Variants in FAF1 observed in about 807,000 individuals in gnomAD.
FAF1 encodes the protein Fas associated factor 1.
In FAF1, 25 loss-of-function variants were observed where a neutral mutation model predicts 92.5. The ratio of observed to expected loss-of-function variants is 0.27; its 90% CI spans 0.20 to 0.38. The LOEUF (loss-of-function observed/expected upper bound fraction) is 0.38, where lower values mean the gene tolerates loss of function less well. FAF1 is among the 10% of genes least tolerant of loss of function. FAF1 has a pLI of 1.00. For missense variants in FAF1, 636 were observed against 793.3 expected (o/e 0.80, Z 2.38); for synonymous variants, 234 against 273.2 (o/e 0.86, Z 1.42).
At chr1:50,454,656 C>A (rs1174606606) in intron 18 of FAF1, among the ~76,000 whole-genome samples, 1 of 152,208 alleles carries the variant, frequency 6.6e-6, no homozygotes, top group Non-Finnish European at 1.5e-5. Flanking sequence ...GACATAAGGT[C>A]AGTGTTTAAA....
intron 1 of FAF1, among the ~76,000 whole-genome samples, chr1:50,947,034 T>TA (rs757325550): frequency 4.6e-5 from 7 of 152,162 alleles, no homozygotes; most frequent in Non-Finnish European, 8.8e-5. Flanking sequence ...TATATCCCAA[T>TA]AAAAGATCAC....
rs748061344 is a variant in FAF1, at chr1:50,785,132, C to CAAAAAA, written c.367+2862_367+2867dup. Among the ~76,000 whole-genome samples, 64 of 59,072 alleles carry CAAAAAA rather than the reference C, an allele frequency of 1.1e-3. 1 individual carries two copies. The highest frequency in any genetic ancestry group is 3.2e-3 in the African/African-American group (50 of 15,682). The allele number at this position is 59,072 out of a possible 152,430, so 38.8% of individuals were successfully genotyped here. A position where few individuals can be genotyped will look rare whatever the true frequency, so the allele number is the denominator to read the frequency against. On this transcript the variant is annotated intron_variant, in intron 4 of 18. Coordinates refer to ENST00000396153, the MANE Select transcript of FAF1 (RefSeq NM_007051.3). ...TGGGTGACAGAGCAAGACCCTATCTCAAAAAAAAAAAAAAAAAAAAAAAGA... is the reference window on the plus strand; with the variant it reads ...TGGGTGACAGAGCAAGACCCTATCTCAAAAAAAAAAAAAAAAAAAAAAAAAAAAAGA...
chr1:50,502,198 C>T (rs944101347), intron 15 of FAF1, among the ~76,000 whole-genome samples: 3 of 152,048 alleles, frequency 2.0e-5, no homozygotes, highest in Middle Eastern at 3.2e-3. Flanking sequence ...TAATAAAGAC[C>T]AACTCTCAGT....
intron 7 of FAF1, among the ~76,000 whole-genome samples, chr1:50,657,506 G>A (rs1372348272): frequency 6.6e-6 from 1 of 151,732 alleles, no homozygotes; most frequent in Non-Finnish European, 1.5e-5. Flanking sequence ...AGGCAGCAAT[G>A]AGCCACGACT....
chr1:50,924,150 T>A (rs906458669), intron 1 of FAF1, among the ~76,000 whole-genome samples: 3 of 152,046 alleles, frequency 2.0e-5, no homozygotes, highest in African/African-American at 7.2e-5. Flanking sequence ...GACGACATGA[T>A]CTTACATATA....
chr1:50,848,846 G>A (rs140926493), intron 2 of FAF1, among the ~76,000 whole-genome samples: 2 of 152,228 alleles, frequency 1.3e-5, no homozygotes, highest in Non-Finnish European at 1.5e-5. Context: ...CAAGTTGGGA[G>A]AGGCTACAGA....
intron 8 of FAF1, among the ~76,000 whole-genome samples, chr1:50,607,742 G>C (rs1042363538): frequency 1.3e-5 from 2 of 152,122 alleles, no homozygotes; most frequent in Non-Finnish European, 2.9e-5. Context: ...AAAACACTTG[G>C]TATCTTTTGG....
rs79335628 is a variant in FAF1 at position 50,486,859 on chromosome 1, C to T, written c.1653+3729G>A. On this transcript the variant is annotated intron_variant, in intron 17 of 18. Coordinates refer to ENST00000396153, the MANE Select transcript of FAF1 (RefSeq NM_007051.3). Reference sequence around the variant, plus strand: ...CCTTAGCTGAAAATTTCTCTGCTTACCAAAAACTCAGTAGAAAAAGGCAGT... The same window carrying T: ...CCTTAGCTGAAAATTTCTCTGCTTATCAAAAACTCAGTAGAAAAAGGCAGT... Among the ~76,000 whole-genome samples the T allele has an allele frequency of 1.4e-4, 21 of 152,188 alleles. 1 individual carries two copies. In the East Asian group the frequency reaches 4.1e-3, roughly 29 times the overall value.
intron 18 of FAF1, among the ~76,000 whole-genome samples, chr1:50,449,790 A>G (rs1035412572): frequency 6.6e-6 from 1 of 151,876 alleles, no homozygotes; most frequent in African/African-American, 2.4e-5. Context: ...GCCTGGCCTA[A>G]CTAATCTTTT....
chr1:50,518,176 T>C (rs551338324), intron 15 of FAF1, among the ~76,000 whole-genome samples: 35 of 152,328 alleles, frequency 2.3e-4, no homozygotes, highest in African/African-American at 8.4e-4. Flanking sequence ...CCTACACTTT[T>C]ACCTTTTCAA....
chr1:50,660,445 G>T (rs1250807499), intron 7 of FAF1, among the ~76,000 whole-genome samples: 1 of 151,488 alleles, frequency 6.6e-6, no homozygotes, highest in Non-Finnish European at 1.5e-5. Context: ...TAATAAAAAA[G>T]TCACAAAGTT....
chr1:50,581,173 T>G (rs1351928555), intron 12 of FAF1, among the ~76,000 whole-genome samples: 1 of 152,240 alleles, frequency 6.6e-6, no homozygotes, highest in Non-Finnish European at 1.5e-5. Flanking sequence ...GATTGAACAG[T>G]TGAAACATAA....
intron 13 of FAF1, among the ~76,000 whole-genome samples, chr1:50,541,449 T>A (rs1447176888): frequency 6.6e-6 from 1 of 152,210 alleles, no homozygotes; most frequent in Non-Finnish European, 1.5e-5. Flanking sequence ...CCCATATAGC[T>A]TAACTCATCG....
At chr1:50,917,581 A>C (rs1465591835) in intron 1 of FAF1, among the ~76,000 whole-genome samples, 1 of 151,422 alleles carries the variant, frequency 6.6e-6, no homozygotes, top group Non-Finnish European at 1.5e-5. Context: ...GAAAGGAAAA[A>C]GGAAAGGAAA....
intron 1 of FAF1, among the ~76,000 whole-genome samples, chr1:50,926,940 A>G (rs1368263423): frequency 3.9e-5 from 6 of 152,256 alleles, no homozygotes; most frequent in Non-Finnish European, 5.9e-5. Flanking sequence ...TAAAAAGGCA[A>G]GAAATTCTGA....
At chr1:50,873,358 T>A (rs1249537777) in intron 1 of FAF1, among the ~76,000 whole-genome samples, 2 of 152,192 alleles carry the variant, frequency 1.3e-5, no homozygotes, top group Non-Finnish European at 2.9e-5. Context: ...GATGCCTTTT[T>A]CCCCTATGGC....
intron 7 of FAF1, among the ~76,000 whole-genome samples, chr1:50,695,070 A>G (rs913257890): frequency 6.6e-6 from 1 of 152,220 alleles, no homozygotes; most frequent in Non-Finnish European, 1.5e-5. Flanking sequence ...ATTCATCTGA[A>G]TAAAGCTCTA....
At chr1:50,918,119 T>C (rs1302683095) in intron 1 of FAF1, among the ~76,000 whole-genome samples, 4 of 151,824 alleles carry the variant, frequency 2.6e-5, no homozygotes, top group Non-Finnish European at 5.9e-5. Context: ...ATATAATTAT[T>C]AAAACTCATC....
intron 13 of FAF1, among the ~76,000 whole-genome samples, chr1:50,551,563 C>T (rs1272145422): frequency 1.3e-5 from 2 of 152,140 alleles, no homozygotes; most frequent in Non-Finnish European, 2.9e-5. Flanking sequence ...GGTTTATGAA[C>T]AATTAGAATA....
Sources: allele counts gnomAD v4.1 joint callset (sites outside exome capture counted in the v4.1 genomes callset), GRCh38; gene constraint gnomAD v4.1.1; transcripts MANE v1.5; gene names NCBI Gene and HGNC (gene_info 2026-07-23, HGNC 2026-07-21).